SCOC: variants seen among roughly 807,000 people sequenced by gnomAD.
SCOC encodes short coiled-coil protein.
In SCOC, 7 loss-of-function variants were observed where a neutral mutation model predicts 9.9. The ratio of observed to expected loss-of-function variants is 0.71; its 90% CI spans 0.40 to 1.33. SCOC has a LOEUF of 1.33. Ranked by LOEUF, SCOC falls within the 40% of genes most tolerant of loss-of-function variation. SCOC has a pLI of 0.01. For synonymous variants in SCOC, 19 were observed against 28.2 expected (o/e 0.67, Z 1.03); for missense variants, 66 against 89.7 (o/e 0.74, Z 1.07).
intron 2 of SCOC, among the ~76,000 whole-genome samples, chr4:140,361,586 G>A (rs1453539001): frequency 6.6e-6 from 1 of 152,116 alleles, no homozygotes; most frequent in Non-Finnish European, 1.5e-5. Flanking sequence ...TTGAGCCCAG[G>A]AAGTTGAGGC....
intron 2 of SCOC, among the ~76,000 whole-genome samples, chr4:140,367,524 T>C (rs1239764528): frequency 6.6e-6 from 1 of 151,726 alleles, no homozygotes; most frequent in Non-Finnish European, 1.5e-5. Flanking sequence ...GGACTACAGG[T>C]GTGTGCTGCC....
At chr4:140,333,257 A>C (rs1386042059) in intron 1 of SCOC, among the ~76,000 whole-genome samples, 3 of 151,858 alleles carry the variant, frequency 2.0e-5, no homozygotes, top group East Asian at 1.9e-4. Flanking sequence ...CCACACTCCT[A>C]TCACTCTCTG....
At chr4:140,365,354 C>G (rs1185300683) in intron 2 of SCOC, among the ~76,000 whole-genome samples, 2 of 152,176 alleles carry the variant, frequency 1.3e-5, no homozygotes, top group Non-Finnish European at 2.9e-5. Flanking sequence ...GAAAAATTGA[C>G]ATTAGACAAT....
At chr4:140,351,171 C>A (rs1258855791) in intron 2 of SCOC, among the ~76,000 whole-genome samples, 2 of 148,162 alleles carry the variant, frequency 1.3e-5, no homozygotes, top group Non-Finnish European at 3.0e-5. Flanking sequence ...GCCTGGGCAA[C>A]AAGAGCGAGA....
At chr4:140,293,542 A>G (rs571471833) in intron 1 of SCOC, 7 of 380,360 alleles carry the variant, frequency 1.8e-5, no homozygotes, top group South Asian at 3.9e-5. Flanking sequence ...AAGGATTGCA[A>G]TGGACCACAG....
intron 1 of SCOC, among the ~76,000 whole-genome samples, chr4:140,308,163 C>A (rs1012349075): frequency 6.6e-6 from 1 of 152,160 alleles, no homozygotes; most frequent in Non-Finnish European, 1.5e-5. Context: ...GGTTCTTAAA[C>A]AGAGCTTTAC....
intron 2 of SCOC, among the ~76,000 whole-genome samples, chr4:140,364,046 A>G (rs1232184451): frequency 6.6e-6 from 1 of 152,160 alleles, no homozygotes. Flanking sequence ...GAAAGATTGT[A>G]AAAAAAGAAA....
intron 2 of SCOC, among the ~76,000 whole-genome samples, chr4:140,361,965 TGAG>T (rs1179599731): frequency 3.3e-5 from 5 of 152,068 alleles, no homozygotes; most frequent in African/African-American, 1.2e-4. Flanking sequence ...TTCAATAACT[TGAG>T]GAGCTATTTC....
chr4:140,259,375 A>G (rs753528063), intron 1 of SCOC, among the ~76,000 whole-genome samples: 1 of 152,266 alleles, frequency 6.6e-6, no homozygotes, highest in East Asian at 1.9e-4. Context: ...TGTGTGGTCC[A>G]TTGCAATAGC....
intron 1 of SCOC, chr4:140,257,538 C>T (rs1730536671): frequency 6.6e-6 from 1 of 152,226 alleles, no homozygotes; most frequent in Non-Finnish European, 1.5e-5. Context: ...TGTTCTTCTT[C>T]AGAGTTTCTT....
At chr4:140,285,599 G>A (rs1178476401) in intron 1 of SCOC, among the ~76,000 whole-genome samples, 1 of 152,224 alleles carries the variant, frequency 6.6e-6, no homozygotes, top group Non-Finnish European at 1.5e-5. Context: ...TTAAGGAGAT[G>A]CCAAGAGAAG....
At chr4:140,380,815 A>T in intron 3 of SCOC, 147 bp from the exon 4 acceptor site, 1 of 512,866 alleles carries the variant, frequency 1.9e-6, no homozygotes, top group Non-Finnish European at 3.3e-6. Context: ...ATTTGTACTC[A>T]GTTTGTTTAC....
At chr4:140,322,416 G>C (rs1223042498) in intron 1 of SCOC, among the ~76,000 whole-genome samples, 1 of 152,160 alleles carries the variant, frequency 6.6e-6, no homozygotes, top group African/African-American at 2.4e-5. Flanking sequence ...ACGGAATGCT[G>C]GTAGAAGTAT....
intron 1 of SCOC, among the ~76,000 whole-genome samples, chr4:140,258,414 T>C (rs1187000234): frequency 1.3e-5 from 2 of 152,206 alleles, no homozygotes; most frequent in Non-Finnish European, 2.9e-5. Context: ...TATTCCTATC[T>C]CCGTCAAACA....
At chr4:140,348,192 ATTT>A (rs1726821516) in intron 2 of SCOC, among the ~76,000 whole-genome samples, 1 of 152,138 alleles carries the variant, frequency 6.6e-6, no homozygotes, top group Non-Finnish European at 1.5e-5. Flanking sequence ...TCTTTGAAAT[ATTT>A]AAGTATACAA....
At chr4:140,338,837 G>A (rs536491117), upstream of SCOC, among the ~76,000 whole-genome samples, 192 of 152,266 alleles carry the variant, frequency 1.3e-3, 2 homozygotes, top group African/African-American at 4.3e-3. Context: ...ATGCTCATGC[G>A]TAGGAAGAAT....
chr4:140,349,121 T>G (rs987901479), intron 2 of SCOC, among the ~76,000 whole-genome samples: 2 of 152,216 alleles, frequency 1.3e-5, no homozygotes, highest in Non-Finnish European at 2.9e-5. Flanking sequence ...ACTTTCCTCT[T>G]AACTCTGCAG....
chr4:140,340,833 C>G (rs1726489263), upstream of SCOC, among the ~76,000 whole-genome samples: 1 of 119,016 alleles, frequency 8.4e-6, no homozygotes, highest in Non-Finnish European at 1.6e-5. Flanking sequence ...GCTCTGTTGC[C>G]CAGGCTGGAG....
At chr4:140,276,653 C>T (rs994150434) in intron 1 of SCOC, among the ~76,000 whole-genome samples, 44 of 151,968 alleles carry the variant, frequency 2.9e-4, no homozygotes, top group African/African-American at 1.0e-3. Flanking sequence ...GACTGGGTTT[C>T]ACCATCTTGG....
Sources: gnomAD v4.1 joint callset for allele counts (sites outside exome capture counted in the v4.1 genomes callset) on GRCh38, gnomAD v4.1.1 for gene constraint, MANE v1.5 for transcripts, NCBI Gene and HGNC (gene_info 2026-07-23, HGNC 2026-07-21) for gene names.